Variants in SLC25A42 observed in about 807,000 individuals in gnomAD.
SLC25A42 encodes the protein mitochondrial coenzyme A transporter SLC25A42.
Under a neutral mutation model 34.7 loss-of-function variants are expected in SLC25A42, and 19 were observed. The ratio of observed to expected loss-of-function variants is 0.55; its 90% CI spans 0.38 to 0.80. The LOEUF (loss-of-function observed/expected upper bound fraction) is 0.80. SLC25A42 is among the 30% of genes least tolerant of loss of function. SLC25A42 has a pLI of 0.00. For missense variants in SLC25A42, 364 were observed against 441.3 expected (o/e 0.82, Z 1.57); for synonymous variants, 205 against 191.2 (o/e 1.07, Z -0.59).
chr19:19,100,475 C>T (rs1463762084), intron 2 of SLC25A42, among the ~76,000 whole-genome samples: 2 of 152,108 alleles, frequency 1.3e-5, no homozygotes, highest in East Asian at 3.9e-4. Flanking sequence ...CCTGTGCCAG[C>T]AAATCTGCCC....
intron 2 of SLC25A42, among the ~76,000 whole-genome samples, chr19:19,099,971 G>C (rs1381644473): frequency 2.0e-5 from 3 of 151,674 alleles, no homozygotes; most frequent in African/African-American, 7.3e-5. Flanking sequence ...CACGTGATCT[G>C]CCCGCCTCGG....
intron 1 of SLC25A42, among the ~76,000 whole-genome samples, chr19:19,086,600 C>T (rs1197323836): frequency 3.3e-5 from 5 of 152,026 alleles, no homozygotes; most frequent in Non-Finnish European, 5.9e-5. Context: ...TTATATTTAA[C>T]GTATACAACA....
intron 1 of SLC25A42, among the ~76,000 whole-genome samples, chr19:19,089,536 T>A (rs57102002): frequency 0.78 from 106,371 of 135,754 alleles, 41,261 homozygotes; most frequent in East Asian, 0.89. Context: ...TCAAAAAAAA[T>A]AATAATAATA....
intron 1 of SLC25A42, among the ~76,000 whole-genome samples, chr19:19,072,084 C>T (rs923414463): frequency 1.3e-5 from 2 of 152,070 alleles, no homozygotes; most frequent in African/African-American, 4.8e-5. Flanking sequence ...AATTCCTGGG[C>T]TCGAGCTGTC....
At chr19:19,076,419 G>A (rs888634381) in intron 1 of SLC25A42, among the ~76,000 whole-genome samples, 8 of 152,002 alleles carry the variant, frequency 5.3e-5, no homozygotes, top group Non-Finnish European at 1.0e-4. Flanking sequence ...GCAGTGAGCC[G>A]AGATCATGCC....
Position 19,106,329 on chromosome 19 carries a change from A to G in SLC25A42, c.441A>G (p.Ser147=). The G allele has an allele frequency of 6.2e-7, 1 of 1,613,532 alleles. No individual in the cohort carries two copies. The highest frequency in any genetic ancestry group is 2.2e-5 in the East Asian group (1 of 44,818). Residue 147 remains serine, a synonymous_variant, in exon 6 of 8, where the codon TCA becomes TCG. Coordinates refer to ENST00000318596, the MANE Select transcript of SLC25A42 (RefSeq NM_178526.5). Reference sequence around the variant, plus strand: ...CACTGGCTGGAACGACAGCCGCTTCACTGACCTACCCCCTGGACCTGGTCA... The same window carrying G: ...CACTGGCTGGAACGACAGCCGCTTCGCTGACCTACCCCCTGGACCTGGTCA... ...AGALAGTTAA[S]LTYPLDLVRA... is the part of the protein sequence containing the mutation.
At chr19:19,083,748 AG>A (rs1223264293) in intron 1 of SLC25A42, among the ~76,000 whole-genome samples, 1 of 152,150 alleles carries the variant, frequency 6.6e-6, no homozygotes, top group Non-Finnish European at 1.5e-5. Context: ...AGAGAGCCCC[AG>A]AAAAAGTGAA....
intron 1 of SLC25A42, among the ~76,000 whole-genome samples, chr19:19,090,421 G>A: frequency 2.2e-5 from 1 of 45,550 alleles, no homozygotes; most frequent in South Asian, 6.5e-4. Flanking sequence ...TACGTGTCTT[G>A]GGAGCCCTTT....
intron 1 of SLC25A42, among the ~76,000 whole-genome samples, chr19:19,068,525 G>A (rs1299788320): frequency 2.6e-5 from 4 of 151,662 alleles, no homozygotes; most frequent in East Asian, 3.9e-4. Flanking sequence ...AAATTAGCCG[G>A]GCATGTTGGT....
At chr19:19,102,286 G>A (rs2059801919) in intron 3 of SLC25A42, among the ~76,000 whole-genome samples, 1 of 152,020 alleles carries the variant, frequency 6.6e-6, no homozygotes, top group South Asian at 2.1e-4. Context: ...TGGGATTACA[G>A]ACTTGAGCCA....
chr19:19,064,391 G>T (rs1237965187), intron 1 of SLC25A42, among the ~76,000 whole-genome samples: 2 of 150,274 alleles, frequency 1.3e-5, no homozygotes, highest in Non-Finnish European at 3.0e-5. Flanking sequence ...CCGGCGCCCC[G>T]CACAGCTGGG....
chr19:19,102,102 G>A (rs539950240), intron 3 of SLC25A42, among the ~76,000 whole-genome samples: 253 of 151,610 alleles, frequency 1.7e-3, no homozygotes, highest in African/African-American at 3.3e-3. Flanking sequence ...TCTGCCTCCC[G>A]GGTTCACGCC....
chr19:19,105,757 T>C, intron 5 of SLC25A42, 30 bp downstream of exon 5: 4 of 1,474,104 alleles, frequency 2.7e-6, no homozygotes, highest in Non-Finnish European at 3.6e-6. Flanking sequence ...TGCCACAGAA[T>C]CGCCCCGCCC....
At chr19:19,075,831 T>C (rs1184031111) in intron 1 of SLC25A42, among the ~76,000 whole-genome samples, 8 of 152,202 alleles carry the variant, frequency 5.3e-5, no homozygotes, top group Non-Finnish European at 1.0e-4. Context: ...TAACTCTGTG[T>C]CAACTCTGCC....
intron 5 of SLC25A42, 50 bp downstream of exon 5, chr19:19,105,777 CCT>C (rs1242006981): frequency 6.2e-6 from 9 of 1,453,826 alleles, no homozygotes; most frequent in Admixed American, 4.3e-5. Flanking sequence ...CACGCCCGCC[CCT>C]CTCTCTTTCT....
chr19:19,066,952 G>C (rs924800610), intron 1 of SLC25A42, among the ~76,000 whole-genome samples: 1 of 151,078 alleles, frequency 6.6e-6, no homozygotes, highest in Non-Finnish European at 1.5e-5. Flanking sequence ...AGGAGTTCAA[G>C]GCTGCAGTGA....
In SLC25A42 at chr19:19,105,591, C is replaced by T; in HGVS notation, c.244C>T (p.Leu82Phe). The T allele has an allele frequency of 6.2e-7, 1 of 1,614,014 alleles. No individual in the cohort carries two copies. Among genetic ancestry groups the T allele is most frequent in the Non-Finnish European group, 8.5e-7 (1 of 1,179,958 alleles). The change falls in exon 5 of 8, where the codon CTC becomes TTC. Residue 82 changes from leucine to phenylalanine, a missense_variant. Physicochemically the swap from Leu to Phe is conservative, Grantham distance 22. Coordinates refer to ENST00000318596, the MANE Select transcript of SLC25A42 (RefSeq NM_178526.5). ...CTTCCGGGTCCTCTACTACACCTAC[C>T]TCAACGAGGGATTTCTCAGCTTGTG... ...EAFRVLYYTYLNEGFLSLWRG... is the reference protein window; with the variant it reads ...EAFRVLYYTYFNEGFLSLWRG...
In SLC25A42 at chr19:19,111,768, T is replaced by G. The variant is rs1362647286; in HGVS notation, c.*892T>G. 2 of 152,362 alleles carry G rather than the reference T, an allele frequency of 1.3e-5. No homozygotes were observed. The highest frequency in any genetic ancestry group is 4.8e-5 in the African/African-American group (2 of 41,470). 9.4% of individuals were successfully genotyped at this position (152,362 alleles called of 1,614,324 possible). The stretch of plus-strand genomic sequence containing the variant: ...CTAGCATCTCAGTGCCCCAACCCTC[T>G]GCCCAGCTGTGGTATCCAGCAGGTC... On this transcript the variant is annotated 3_prime_UTR_variant, in exon 8 of 8. Transcript: ENST00000318596.
In SLC25A42 at chr19:19,110,513, C is replaced by A. The variant is rs1599694750; in HGVS notation, c.650-56C>A. On this transcript the variant is annotated intron_variant, in intron 7 of 7. Transcript: ENST00000318596. ...GGGTGCAAAGGCGCGCGCACGGGTG[C>A]GGGGTGCGCGCCCCCTCGCGGCGCC... 1.0e-5 allele frequency: 14 copies of A among 1,353,956 alleles called. No homozygotes were observed. In the East Asian group the frequency reaches 4.2e-4, roughly 41 times the overall value. The allele number at this position is 1,353,956 out of a possible 1,614,324, so 83.9% of individuals were successfully genotyped here. A position where few individuals can be genotyped will look rare whatever the true frequency, so the allele number is the denominator to read the frequency against.
Sources: gnomAD v4.1 joint callset for allele counts (sites outside exome capture counted in the v4.1 genomes callset) on GRCh38, gnomAD v4.1.1 for gene constraint, MANE v1.5 for transcripts, NCBI Gene and HGNC (gene_info 2026-07-23, HGNC 2026-07-21) for gene names.